Variants in TSHZ2 observed in about 807,000 individuals in gnomAD.
TSHZ2 encodes teashirt homolog 2.
Under a neutral mutation model 74.4 loss-of-function variants are expected in TSHZ2, and 21 were observed. That is an observed-to-expected ratio of 0.28 (90% CI 0.20 to 0.41). The LOEUF (loss-of-function observed/expected upper bound fraction) is 0.41, where lower values mean the gene tolerates loss of function less well. Ranked by LOEUF, TSHZ2 falls within the 10% of genes least tolerant of loss-of-function variation. TSHZ2 has a pLI of 1.00. For missense variants in TSHZ2, 1,244 were observed against 1,293.5 expected (o/e 0.96, Z 0.59); for synonymous variants, 540 against 515.3 (o/e 1.05, Z -0.65).
chr20:52,974,711 A>C (rs1018334631), intron 1 of TSHZ2, among the ~76,000 whole-genome samples: 8 of 152,208 alleles, frequency 5.3e-5, no homozygotes, highest in African/African-American at 1.2e-4. Context: ...GAGAGTGGGC[A>C]TCCCTTGTCT....
chr20:53,481,044 A>G (rs1600672629), intron 2 of TSHZ2, among the ~76,000 whole-genome samples: 1 of 37,910 alleles, frequency 2.6e-5, no homozygotes, highest in Admixed American at 2.7e-4. Flanking sequence ...AATATATTAG[A>G]AAAAAAAATG....
intron 1 of TSHZ2, among the ~76,000 whole-genome samples, chr20:53,221,292 T>A (rs1222927821): frequency 1.3e-5 from 2 of 152,222 alleles, no homozygotes; most frequent in Non-Finnish European, 2.9e-5. Context: ...CTCAGGTATG[T>A]CTTTATCAGC....
chr20:53,344,776 T>A (rs1980370755), intron 2 of TSHZ2, among the ~76,000 whole-genome samples: 1 of 152,148 alleles, frequency 6.6e-6, no homozygotes, highest in African/African-American at 2.4e-5. Flanking sequence ...TTGAGAAAAG[T>A]TAGAGATAAA....
At chr20:53,020,885 T>C (rs2123032458) in intron 1 of TSHZ2, among the ~76,000 whole-genome samples, 1 of 152,328 alleles carries the variant, frequency 6.6e-6, no homozygotes, top group Non-Finnish European at 1.5e-5. Context: ...AACTCCAACC[T>C]CAGGCACACC....
intron 1 of TSHZ2, among the ~76,000 whole-genome samples, chr20:53,085,626 TTTA>T (rs1262456360): frequency 1.3e-5 from 2 of 152,156 alleles, no homozygotes; most frequent in Non-Finnish European, 2.9e-5. Context: ...TAGGTGTTAT[TTTA>T]TTATTCCCAT....
At chr20:53,125,995 G>A (rs1986937779) in intron 1 of TSHZ2, among the ~76,000 whole-genome samples, 1 of 151,356 alleles carries the variant, frequency 6.6e-6, no homozygotes, top group East Asian at 1.9e-4. Context: ...TTAAAAGTTG[G>A]TAAAAATAAA....
intron 1 of TSHZ2, among the ~76,000 whole-genome samples, chr20:53,087,886 C>G (rs959530440): frequency 6.6e-6 from 1 of 152,154 alleles, no homozygotes; most frequent in African/African-American, 2.4e-5. Flanking sequence ...TGGTAATTGG[C>G]CACCTTGGTG....
intron 2 of TSHZ2, among the ~76,000 whole-genome samples, chr20:53,340,184 C>CCTTTTTTTT (rs1980132166): frequency 9.1e-6 from 1 of 109,872 alleles, no homozygotes; most frequent in East Asian, 2.8e-4. Context: ...TTTCTTTTTT[C>CCTTTTTTTT]TTTTTTTTTT....
At chr20:53,106,707 G>GTTTT (rs796905956) in intron 1 of TSHZ2, among the ~76,000 whole-genome samples, 7 of 110,266 alleles carry the variant, frequency 6.3e-5, no homozygotes, top group African/African-American at 2.5e-4. Flanking sequence ...ATTTTTTTTT[G>GTTTT]TTTTTTTTTT....
intron 1 of TSHZ2, among the ~76,000 whole-genome samples, chr20:53,033,414 T>G (rs953110929): frequency 6.6e-6 from 1 of 152,050 alleles, no homozygotes; most frequent in African/African-American, 2.4e-5. Flanking sequence ...AAAGCGAACA[T>G]AAGCTCTACC....
chr20:53,403,672 C>T lies in TSHZ2; in HGVS notation c.*9-83472C>T, dbSNP rs532063248. Reference sequence around the variant, plus strand: ...CAATGTGGCTGCTCACACACAGAAACGCTTCCATCTCTGAGAGCTGTCGAA... The same window carrying T: ...CAATGTGGCTGCTCACACACAGAAATGCTTCCATCTCTGAGAGCTGTCGAA... On this transcript the variant is annotated intron_variant, in intron 2 of 2. Transcript: ENST00000371497. 4.4e-4 allele frequency among the ~76,000 whole-genome samples: 67 copies of T among 152,310 alleles called. 1 individual carries two copies. The highest frequency in any genetic ancestry group is 3.4e-3 in the Middle Eastern group (1 of 294).
chr20:53,257,306 C>T (rs1428049985), intron 2 of TSHZ2, among the ~76,000 whole-genome samples: 5 of 152,136 alleles, frequency 3.3e-5, no homozygotes, highest in Admixed American at 6.5e-5. Context: ...GTATTAGAGC[C>T]CACCTTTAAC....
chr20:53,397,929 A>G (rs1982515035), intron 2 of TSHZ2: 1 of 152,170 alleles, frequency 6.6e-6, no homozygotes, highest in Non-Finnish European at 1.5e-5. Flanking sequence ...GAATTGCACA[A>G]TGAGAACACT....
chr20:53,265,298 T>C (rs1990690002), intron 2 of TSHZ2, among the ~76,000 whole-genome samples: 1 of 151,970 alleles, frequency 6.6e-6, no homozygotes, highest in South Asian at 2.1e-4. Context: ...GCTTGGAAGA[T>C]ATTAAATTTC....
chr20:52,985,430 C>T (rs180947680), intron 1 of TSHZ2, among the ~76,000 whole-genome samples: 4 of 152,264 alleles, frequency 2.6e-5, no homozygotes, highest in African/African-American at 7.2e-5. Flanking sequence ...TTTAGTCATT[C>T]TATTAACAAG....
At chr20:53,308,718 T>C (rs1384640297) in intron 2 of TSHZ2, among the ~76,000 whole-genome samples, 1 of 152,234 alleles carries the variant, frequency 6.6e-6, no homozygotes, top group Non-Finnish European at 1.5e-5. Context: ...TTATTCATAA[T>C]GTCTATTTTA....
intron 1 of TSHZ2, among the ~76,000 whole-genome samples, chr20:53,139,781 C>T (rs952097937): frequency 6.6e-6 from 1 of 152,206 alleles, no homozygotes; most frequent in African/African-American, 2.4e-5. Flanking sequence ...TCCCTTTTAT[C>T]ATTTTATGTC....
intron 2 of TSHZ2, among the ~76,000 whole-genome samples, chr20:53,436,061 A>T (rs974522466): frequency 6.6e-6 from 1 of 152,198 alleles, no homozygotes; most frequent in African/African-American, 2.4e-5. Context: ...ATGATAACAT[A>T]TTGTTATGAT....
chr20:53,059,591 C>T (rs1221109745), intron 1 of TSHZ2, among the ~76,000 whole-genome samples: 2 of 152,028 alleles, frequency 1.3e-5, no homozygotes, highest in African/African-American at 4.8e-5. Flanking sequence ...GAATTCATAT[C>T]CAGTTTTAGG....
Sources: allele counts gnomAD v4.1 joint callset (sites outside exome capture counted in the v4.1 genomes callset), GRCh38; gene constraint gnomAD v4.1.1; transcripts MANE v1.5; gene names NCBI Gene and HGNC (gene_info 2026-07-23, HGNC 2026-07-21).